KIFC3: variants seen among roughly 807,000 people sequenced by gnomAD.
KIFC3 encodes kinesin-like protein KIFC3.
A neutral mutation model predicts 101.8 loss-of-function variants in KIFC3; 60 were observed. The ratio of observed to expected loss-of-function variants is 0.59; its 90% CI spans 0.48 to 0.73. KIFC3 has a LOEUF of 0.73. KIFC3 is among the 30% of genes least tolerant of loss of function. The pLI is 0.00. For missense variants in KIFC3, 966 were observed against 1,137.1 expected (o/e 0.85, Z 2.16); for synonymous variants, 476 against 482.7 (o/e 0.99, Z 0.18).
chr16:57,775,033 G>C, intron 3 of KIFC3: 3 of 1,526,760 alleles, frequency 2.0e-6, no homozygotes, highest in South Asian at 1.2e-5. Flanking sequence ...GATGCAGGGA[G>C]AGTGGGGTTT....
chr16:57,851,827 C>T (rs1198387228), intron 1 of KIFC3, among the ~76,000 whole-genome samples: 1 of 152,032 alleles, frequency 6.6e-6, no homozygotes, highest in Non-Finnish European at 1.5e-5. Flanking sequence ...GCAACCTCTG[C>T]CTCCCAGGTT....
intron 1 of KIFC3, among the ~76,000 whole-genome samples, chr16:57,823,507 G>A (rs2055394744): frequency 6.6e-6 from 1 of 152,140 alleles, no homozygotes; most frequent in Non-Finnish European, 1.5e-5. Flanking sequence ...GATACTTTGG[G>A]TTCACAGTTA....
chr16:57,760,559 G>A, intron 16 of KIFC3, 143 bp from the exon 17 acceptor site: 1 of 1,157,942 alleles, frequency 8.6e-7, no homozygotes, highest in Non-Finnish European at 1.2e-6. Flanking sequence ...ACATGGCAGA[G>A]GTGCTGTGGT....
At chr16:57,855,945 C>T (rs1221844038) in intron 1 of KIFC3, among the ~76,000 whole-genome samples, 1 of 123,364 alleles carries the variant, frequency 8.1e-6, no homozygotes, top group African/African-American at 3.1e-5. Context: ...GACTCCATCT[C>T]AAAAAAAAAA....
intron 3 of KIFC3, among the ~76,000 whole-genome samples, chr16:57,790,078 C>CTTTTTTT (rs782291808): frequency 5.3e-5 from 5 of 94,088 alleles, no homozygotes; most frequent in African/African-American, 1.7e-4. Flanking sequence ...TTCTTTCTTT[C>CTTTTTTT]TTTTTTTTTT....
chr16:57,823,803 G>T (rs933003761), intron 1 of KIFC3, among the ~76,000 whole-genome samples: 6 of 143,512 alleles, frequency 4.2e-5, no homozygotes, highest in African/African-American at 1.6e-4. Flanking sequence ...GTGTGTGTGT[G>T]TTTTTAGTAG....
rs926684614 is a variant in KIFC3 at position 57,776,065 on chromosome 16, A to G, written c.316-3777T>C. On this transcript the variant is annotated intron_variant, in intron 3 of 19. Coordinates refer to ENST00000445690, the MANE Select transcript of KIFC3 (RefSeq NM_001130100.2). ...CCAGCCCAGGTCTTTGTGTTTTCTC[A>G]GCTGTCTGCTTCCAAGGCGGCCTCT... 340 of 985,350 alleles carry G rather than the reference A, an allele frequency of 3.5e-4. 1 individual carries two copies. Among genetic ancestry groups the G allele is most frequent in the Middle Eastern group, 2.1e-3 (4 of 1,936 alleles). The allele number at this position is 985,350 out of a possible 1,614,324, so 61.0% of individuals were successfully genotyped here.
chr16:57,860,636 G>A (rs1157019165), intron 1 of KIFC3, among the ~76,000 whole-genome samples: 1 of 152,158 alleles, frequency 6.6e-6, no homozygotes, highest in African/African-American at 2.4e-5. Flanking sequence ...GCGAAGTTAA[G>A]ATAGTTTGTT....
chr16:57,857,460 A>G (rs1262502790), intron 1 of KIFC3, among the ~76,000 whole-genome samples: 3 of 150,652 alleles, frequency 2.0e-5, no homozygotes, highest in Non-Finnish European at 3.0e-5. Flanking sequence ...GGTTTGTTAC[A>G]TAGGTATACA....
intron 1 of KIFC3, among the ~76,000 whole-genome samples, chr16:57,821,588 A>C (rs1280174216): frequency 6.6e-6 from 1 of 152,172 alleles, no homozygotes; most frequent in Non-Finnish European, 1.5e-5. Context: ...CTAAGTGCTG[A>C]AGACTAATTG....
chr16:57,842,736 A>T (rs1053107199), intron 1 of KIFC3, among the ~76,000 whole-genome samples: 3 of 152,142 alleles, frequency 2.0e-5, no homozygotes, highest in Non-Finnish European at 4.4e-5. Flanking sequence ...CCAAAAACTG[A>T]GGTTTAGGAG....
intron 1 of KIFC3, among the ~76,000 whole-genome samples, chr16:57,828,615 G>A (rs1421794038): frequency 2.6e-5 from 4 of 152,200 alleles, no homozygotes; most frequent in Admixed American, 1.3e-4. Context: ...GATGGATCCC[G>A]TCTCTGGCAG....
intron 1 of KIFC3, chr16:57,815,783 A>G (rs782480795): frequency 5.8e-5 from 31 of 538,384 alleles, no homozygotes; most frequent in Admixed American, 4.3e-4. Context: ...GGGATCACCA[A>G]CTTCTTCTGA....
Position 57,759,154 on chromosome 16 carries a change from C to G in KIFC3, c.2477-1G>C. ...AGACTCTGCAGCCCCAGCCGTCAGG[C>G]TGAAATCAAAGTGACAGGCGTCTCA... On this transcript the variant is annotated splice_acceptor_variant, in intron 18 of 19. Coordinates refer to ENST00000445690, the MANE Select transcript of KIFC3 (RefSeq NM_001130100.2). LOFTEE classifies it high-confidence loss of function. 6.4e-7 allele frequency: 1 copy of G among 1,550,952 alleles called. No homozygotes were observed. The highest frequency in any genetic ancestry group is 1.4e-5 in the African/African-American group (1 of 73,188).
chr16:57,857,822 C>CTTTTTTTTTT (rs57102595), intron 1 of KIFC3, among the ~76,000 whole-genome samples: 2 of 92,784 alleles, frequency 2.2e-5, no homozygotes, highest in Admixed American at 1.4e-4. Flanking sequence ...TTCTTTCTTT[C>CTTTTTTTTTT]TTTTTTTTTT....
chr16:57,860,092 T>TAAAATAAA (rs1555485107), intron 1 of KIFC3, among the ~76,000 whole-genome samples: 8 of 127,178 alleles, frequency 6.3e-5, no homozygotes, highest in Non-Finnish European at 1.3e-4. Context: ...TAAAATAAAA[T>TAAAATAAA]AAAAACAAGT....
upstream of KIFC3, chr16:57,802,953 T>C: frequency 6.5e-7 from 1 of 1,534,548 alleles, no homozygotes; most frequent in African/African-American, 1.4e-5. The surrounding 1 kb of genome is among the most constrained non-coding windows in gnomAD (Gnocchi z 5.0). Flanking sequence ...ACACAAGCTC[T>C]TACTCACGAG....
rs1359096003 is a variant in KIFC3, at chr16:57,771,535, C to T, written c.525+8G>A. ...GACCAGCATGGGGACCACGGCCATTCTGCTCACCTGGCTGTGCTCACAACC... is the reference window on the plus strand; with the variant it reads ...GACCAGCATGGGGACCACGGCCATTTTGCTCACCTGGCTGTGCTCACAACC... On this transcript the variant is annotated splice_region_variant and intron_variant, in intron 5 of 19. Coordinates refer to ENST00000445690, the MANE Select transcript of KIFC3 (RefSeq NM_001130100.2). 6.2e-7 allele frequency: 1 copy of T among 1,612,138 alleles called. No homozygotes were observed. Among genetic ancestry groups the T allele is most frequent in the Non-Finnish European group, 8.5e-7 (1 of 1,179,068 alleles).
intron 1 of KIFC3, among the ~76,000 whole-genome samples, chr16:57,812,038 GTCTC>G (rs2055093653): frequency 6.7e-6 from 1 of 148,312 alleles, no homozygotes; most frequent in East Asian, 2.0e-4. Context: ...GCGAGACCCC[GTCTC>G]TCTCTTTTTT....
Sources: allele counts gnomAD v4.1 joint callset (sites outside exome capture counted in the v4.1 genomes callset), GRCh38; gene constraint gnomAD v4.1.1; non-coding constraint Gnocchi (gnomAD v3.1); transcripts MANE v1.5; gene names NCBI Gene and HGNC (gene_info 2026-07-23, HGNC 2026-07-21).